SORCS1: variants seen among roughly 807,000 people sequenced by gnomAD.
SORCS1 encodes the protein sortilin related VPS10 domain containing receptor 1.
A neutral mutation model predicts 146.1 loss-of-function variants in SORCS1; 60 were observed. That is an observed-to-expected ratio of 0.41 (90% CI 0.33 to 0.51). The LOEUF is 0.51. Among genes scored for constraint, SORCS1 ranks in the 20% least tolerant of loss-of-function variants. The pLI, the probability that SORCS1 is intolerant of heterozygous loss-of-function variation, is 0.21. For missense variants in SORCS1, 1,352 were observed against 1,487.6 expected, an observed-to-expected ratio of 0.91 and a Z score of 1.50; for synonymous variants, 637 against 584.0, an observed-to-expected ratio of 1.09 and a Z score of -1.31.
chr10:106,786,886 T>G (rs1161578312), intron 3 of SORCS1, among the ~76,000 whole-genome samples: 1 of 152,222 alleles, frequency 6.6e-6, no homozygotes, highest in Non-Finnish European at 1.5e-5. Context: ...GGTCTTACCT[T>G]AAACTTTTGA....
intron 1 of SORCS1, among the ~76,000 whole-genome samples, chr10:107,123,803 T>C (rs547551837): frequency 1.3e-5 from 2 of 151,334 alleles, no homozygotes; most frequent in South Asian, 4.2e-4. Flanking sequence ...GGTTGCAAGG[T>C]GTGGTGGCTC....
At chr10:106,739,152 G>A (rs372424592) in intron 5 of SORCS1, among the ~76,000 whole-genome samples, 21 of 152,146 alleles carry the variant, frequency 1.4e-4, no homozygotes, top group Non-Finnish European at 2.4e-4. Context: ...ATTCAGAGAA[G>A]AAAGTCCAGA....
At chr10:106,832,827 G>T (rs1038837019) in intron 2 of SORCS1, among the ~76,000 whole-genome samples, 7 of 152,066 alleles carry the variant, frequency 4.6e-5, no homozygotes, top group African/African-American at 1.7e-4. Context: ...TGAAAAAAGA[G>T]ACTAAAAAAG....
chr10:106,856,684 C>G (rs1276812728), intron 2 of SORCS1, among the ~76,000 whole-genome samples: 2 of 152,208 alleles, frequency 1.3e-5, no homozygotes, highest in Non-Finnish European at 1.5e-5. Context: ...GGAGGTAAAA[C>G]TCACAAAAGT....
At chr10:106,884,596 A>G (rs1950926171) in intron 2 of SORCS1, among the ~76,000 whole-genome samples, 1 of 152,202 alleles carries the variant, frequency 6.6e-6, no homozygotes, top group African/African-American at 2.4e-5. Flanking sequence ...TTCCATTGAA[A>G]AGGTCAATTT....
intron 2 of SORCS1, among the ~76,000 whole-genome samples, chr10:106,841,014 C>T (rs541703874): frequency 3.4e-4 from 51 of 151,776 alleles, no homozygotes; most frequent in African/African-American, 1.2e-3. Context: ...CGCCACCATA[C>T]CCCGCTAATT....
chr10:107,085,079 T>C lies in SORCS1; in HGVS notation c.558+78890A>G, dbSNP rs146978024. 1.3e-4 allele frequency among the ~76,000 whole-genome samples: 20 copies of C among 152,252 alleles called. No individual in the cohort carries two copies. The East Asian group carries it at 3.7e-3, about 28-fold the overall frequency. On this transcript the variant is annotated intron_variant, in intron 1 of 25. Coordinates refer to ENST00000263054, the MANE Select transcript of SORCS1 (RefSeq NM_052918.5). The stretch of plus-strand genomic sequence containing the variant: ...GAAGAGATCCTGGGTTCCAGATTCA[T>C]AAAATCTTAGAAGCACAAGTACCTT...
At chr10:106,679,451 G>T (rs1403919815) in intron 11 of SORCS1, 119 bp from the exon 12 acceptor site, 2 of 966,420 alleles carry the variant, frequency 2.1e-6, no homozygotes, top group African/African-American at 1.6e-5. Context: ...CTGTGCAGGG[G>T]TTTTCTGCAG....
chr10:106,802,648 C>T (rs780092609), intron 3 of SORCS1, among the ~76,000 whole-genome samples: 1 of 152,036 alleles, frequency 6.6e-6, no homozygotes, highest in African/African-American at 2.4e-5. Context: ...ACAGGCATGC[C>T]CCACCATGCC....
At chr10:106,867,817 C>A (rs970760351) in intron 2 of SORCS1, among the ~76,000 whole-genome samples, 3 of 152,088 alleles carry the variant, frequency 2.0e-5, no homozygotes, top group African/African-American at 7.2e-5. Flanking sequence ...GCATAATAAC[C>A]AGCTAACAAC....
At chr10:107,133,692 G>T (rs533561310) in intron 1 of SORCS1, among the ~76,000 whole-genome samples, 7 of 152,282 alleles carry the variant, frequency 4.6e-5, no homozygotes, top group Non-Finnish European at 8.8e-5. Context: ...CCTTGTGTCT[G>T]TTTCACCAGC....
chr10:106,809,521 G>A (rs541570587), intron 3 of SORCS1, among the ~76,000 whole-genome samples: 2 of 152,294 alleles, frequency 1.3e-5, no homozygotes, highest in South Asian at 2.1e-4. Flanking sequence ...AATGCAAAAT[G>A]GAGATGAGTG....
At chr10:106,710,218 G>A (rs1184547095) in intron 6 of SORCS1, among the ~76,000 whole-genome samples, 2 of 152,184 alleles carry the variant, frequency 1.3e-5, no homozygotes, top group African/African-American at 2.4e-5. Flanking sequence ...GGAGGCCAAA[G>A]CAGGTGGATC....
At chr10:107,180,246 T>C in the SORCS1 span, among the ~76,000 whole-genome samples, 1 of 152,124 alleles carries the variant, frequency 6.6e-6, no homozygotes, top group African/African-American at 2.4e-5. Context: ...TGTGGAAATA[T>C]GATTTGGTGT....
chr10:106,632,278 A>G (rs1848483743), intron 18 of SORCS1, among the ~76,000 whole-genome samples: 2 of 152,220 alleles, frequency 1.3e-5, no homozygotes, highest in Non-Finnish European at 1.5e-5. Flanking sequence ...AGCAGAAGGC[A>G]GCTGATTATA....
At chr10:106,618,746 G>A (rs1322363471) in intron 20 of SORCS1, among the ~76,000 whole-genome samples, 14 of 152,078 alleles carry the variant, frequency 9.2e-5, no homozygotes, top group Non-Finnish European at 1.9e-4. Context: ...ACATGAATCC[G>A]GTACACCAAA....
intron 6 of SORCS1, among the ~76,000 whole-genome samples, chr10:106,713,661 C>A (rs1227546810): frequency 6.6e-6 from 1 of 152,156 alleles, no homozygotes; most frequent in Non-Finnish European, 1.5e-5. Flanking sequence ...TACCAACTGA[C>A]TTTGCAGATA....
chr10:107,048,480 G>A lies in SORCS1; in HGVS notation c.559-91900C>T, dbSNP rs1178149068. On this transcript the variant is annotated intron_variant, in intron 1 of 25. Coordinates refer to ENST00000263054, the MANE Select transcript of SORCS1 (RefSeq NM_052918.5). ...TAGGGTATAAATTCCACCAAAGTAG[G>A]AGGGCATTGTTTCATTCACTGCGGT... Among the ~76,000 whole-genome samples, 3 of 152,156 alleles carry A rather than the reference G, an allele frequency of 2.0e-5. No individual in the cohort carries two copies. In the East Asian group the frequency reaches 5.8e-4, roughly 29 times the overall value.
At chr10:107,164,722 G>A (rs1969984921), upstream of SORCS1, among the ~76,000 whole-genome samples, 1 of 149,856 alleles carries the variant, frequency 6.7e-6, no homozygotes, top group Non-Finnish European at 1.5e-5. This position sits in a 1 kb window ranked among gnomAD's most constrained non-coding sequence, Gnocchi z 6.8. Flanking sequence ...GCGCGGGTCC[G>A]GACGGAGCGA....
Sources: gnomAD v4.1 joint callset for allele counts (sites outside exome capture counted in the v4.1 genomes callset) on GRCh38, gnomAD v4.1.1 for gene constraint, Gnocchi (gnomAD v3.1) non-coding constraint, MANE v1.5 for transcripts, NCBI Gene and HGNC (gene_info 2026-07-23, HGNC 2026-07-21) for gene names.